Variants in LRP1B observed in about 807,000 individuals in gnomAD.
LRP1B encodes the protein low-density lipoprotein receptor-related protein 1B.
A neutral mutation model predicts 556.6 loss-of-function variants in LRP1B; 217 were observed. The ratio of observed to expected loss-of-function variants is 0.39; its 90% CI spans 0.35 to 0.44. The LOEUF is 0.44. Ranked by LOEUF, LRP1B falls within the 20% of genes least tolerant of loss-of-function variation. The pLI, the probability that LRP1B is intolerant of heterozygous loss-of-function variation, is 1.00. For missense variants in LRP1B, 5,053 were observed against 5,620.8 expected, an observed-to-expected ratio of 0.90 and a Z score of 3.23; for synonymous variants, 2,047 against 1,865.8, an observed-to-expected ratio of 1.10 and a Z score of -2.50.
chr2:141,903,336 T>A (rs1699674602), intron 1 of LRP1B, among the ~76,000 whole-genome samples: 1 of 151,956 alleles, frequency 6.6e-6, no homozygotes, highest in African/African-American at 2.4e-5. Context: ...CAAGCCATTG[T>A]TAAATCTGGA....
At chr2:141,386,126 A>G (rs1182648945) in intron 3 of LRP1B, among the ~76,000 whole-genome samples, 6 of 152,152 alleles carry the variant, frequency 3.9e-5, no homozygotes, top group Non-Finnish European at 8.8e-5. Context: ...TATGAAAAAT[A>G]TTGTATAAAA....
At chr2:140,798,430 A>G (rs1241926287) in intron 32 of LRP1B, among the ~76,000 whole-genome samples, 1 of 152,108 alleles carries the variant, frequency 6.6e-6, no homozygotes, top group African/African-American at 2.4e-5. Flanking sequence ...CTTTTATACC[A>G]TCAGGTTTTA....
intron 6 of LRP1B, among the ~76,000 whole-genome samples, chr2:141,211,311 AAAAAAC>A (rs1682539241): frequency 6.6e-6 from 1 of 151,436 alleles, no homozygotes; most frequent in African/African-American, 2.4e-5. Flanking sequence ...TTTTAAAAAA[AAAAAAC>A]AAAACAAAAA....
chr2:140,666,303 C>CAT (rs1685270031), intron 41 of LRP1B, among the ~76,000 whole-genome samples: 2 of 5,612 alleles, frequency 3.6e-4, no homozygotes, highest in Admixed American at 1.7e-3. Context: ...ATTTATTATA[C>CAT]ACACACACAC....
In LRP1B at chr2:141,481,995, G is replaced by A. The variant is rs1314026952; in HGVS notation, c.206-1462C>T. Among the ~76,000 whole-genome samples the A allele has an allele frequency of 2.6e-5, 4 of 152,040 alleles. No homozygotes were observed. In the East Asian group the frequency reaches 5.8e-4, roughly 22 times the overall value. ...CCCTTTCCTCCTCCTGAAAAAGAAA[G>A]CTCAAAAATTTCATGTTTTACCTTC... On this transcript the variant is annotated intron_variant, in intron 2 of 90. Transcript: ENST00000389484.
At chr2:140,732,607 C>G (rs1420908139) in intron 35 of LRP1B, among the ~76,000 whole-genome samples, 1 of 151,838 alleles carries the variant, frequency 6.6e-6, no homozygotes, top group South Asian at 2.1e-4. Context: ...TGAAGCAGTT[C>G]AAGCAACAGA....
At chr2:140,953,273 T>C (rs1039206620) in intron 18 of LRP1B, among the ~76,000 whole-genome samples, 1 of 152,132 alleles carries the variant, frequency 6.6e-6, no homozygotes, top group Non-Finnish European at 1.5e-5. Context: ...GTATTTTTAG[T>C]AGAGACGGTG....
chr2:141,261,243 T>C (rs1684672171), intron 3 of LRP1B, among the ~76,000 whole-genome samples: 1 of 152,196 alleles, frequency 6.6e-6, no homozygotes, highest in Non-Finnish European at 1.5e-5. Context: ...CAGAATTTCC[T>C]TGTCTTAGTG....
intron 3 of LRP1B, among the ~76,000 whole-genome samples, chr2:141,302,349 T>C (rs1312352544): frequency 1.3e-5 from 2 of 152,104 alleles, no homozygotes; most frequent in East Asian, 3.9e-4. Context: ...AAATATTTTA[T>C]TTTCTCAAGT....
At chr2:141,148,235 C>G (rs1701834026) in intron 7 of LRP1B, among the ~76,000 whole-genome samples, 1 of 152,202 alleles carries the variant, frequency 6.6e-6, no homozygotes, top group Non-Finnish European at 1.5e-5. Context: ...AGGATATAAT[C>G]TGGTGTCCAA....
chr2:140,386,075 A>C, intron 66 of LRP1B, 66 bp from the exon 67 acceptor site: 2 of 931,644 alleles, frequency 2.1e-6, no homozygotes, highest in South Asian at 1.4e-5. Context: ...CAACGTCCTC[A>C]CTGCCATGCC....
intron 1 of LRP1B, among the ~76,000 whole-genome samples, chr2:141,944,469 T>C (rs1311972331): frequency 1.3e-5 from 2 of 152,122 alleles, no homozygotes; most frequent in Non-Finnish European, 2.9e-5. Flanking sequence ...TGGAAAAATC[T>C]TGCCTTCCTA....
intron 7 of LRP1B, among the ~76,000 whole-genome samples, chr2:141,067,086 T>A (rs148667945): frequency 6.6e-6 from 1 of 151,994 alleles, no homozygotes; most frequent in Admixed American, 6.6e-5. Context: ...GTTATCCAAA[T>A]AGCATCAATA....
intron 3 of LRP1B, among the ~76,000 whole-genome samples, chr2:141,423,825 T>TA (rs34237592): frequency 0.2 from 30,049 of 149,410 alleles, 4,019 homozygotes; most frequent in East Asian, 0.54. Flanking sequence ...CCCTGTCTAT[T>TA]AAAAAAAAAA....
At chr2:140,580,496 A>T (rs372183782) in intron 43 of LRP1B, among the ~76,000 whole-genome samples, 10 of 152,194 alleles carry the variant, frequency 6.6e-5, no homozygotes, top group African/African-American at 2.2e-4. Flanking sequence ...TTAAGTTTGA[A>T]AAAATGATTG....
At chr2:142,002,541 G>C (rs1279106697) in intron 1 of LRP1B, among the ~76,000 whole-genome samples, 1 of 150,652 alleles carries the variant, frequency 6.6e-6, no homozygotes, top group African/African-American at 2.4e-5. Context: ...TAGTATGGGA[G>C]ATTTATACAT....
intron 1 of LRP1B, among the ~76,000 whole-genome samples, chr2:142,111,581 CT>C (rs1706990644): frequency 6.6e-6 from 1 of 152,048 alleles, no homozygotes; most frequent in Non-Finnish European, 1.5e-5. Context: ...CTGATTCATC[CT>C]GAAAAGGATT....
At chr2:140,862,055 C>A (rs972254976) in intron 27 of LRP1B, among the ~76,000 whole-genome samples, 2 of 152,144 alleles carry the variant, frequency 1.3e-5, no homozygotes, top group Non-Finnish European at 2.9e-5. Context: ...TACATTTTGC[C>A]TTCAATCTAC....
chr2:140,816,033 G>A (rs557147352), intron 31 of LRP1B, among the ~76,000 whole-genome samples: 114 of 152,158 alleles, frequency 7.5e-4, no homozygotes, highest in African/African-American at 2.3e-3. Context: ...ATAAATGGCA[G>A]ACTATTTAGT....
Sources: gnomAD v4.1 joint callset for allele counts (sites outside exome capture counted in the v4.1 genomes callset) on GRCh38, gnomAD v4.1.1 for gene constraint, MANE v1.5 for transcripts, NCBI Gene and HGNC (gene_info 2026-07-23, HGNC 2026-07-21) for gene names.